Variants in CCZ1 observed in about 807,000 individuals in gnomAD.
CCZ1 encodes the protein CCZ1 vacuolar protein trafficking and biogenesis associated, also known as vacuolar fusion protein CCZ1 homolog.
Under a neutral mutation model 57.8 loss-of-function variants are expected in CCZ1, and 19 were observed. That is an observed-to-expected ratio of 0.33 (90% CI 0.23 to 0.48). The LOEUF (loss-of-function observed/expected upper bound fraction) is 0.48. CCZ1 is among the 20% of genes least tolerant of loss of function. The pLI is 0.99. For synonymous variants in CCZ1, 81 were observed against 167.0 expected, an observed-to-expected ratio of 0.49 and a Z score of 3.97; for missense variants, 200 against 492.0, an observed-to-expected ratio of 0.41 and a Z score of 5.61.
At chr7:5,912,453 A>T (rs977519918) in intron 9 of CCZ1, among the ~76,000 whole-genome samples, 1 of 112,964 alleles carries the variant, frequency 8.9e-6, no homozygotes, top group Non-Finnish European at 1.6e-5. Flanking sequence ...AGTGTGGAGT[A>T]CAGTGGCACG....
At position 5,924,457 on chromosome 7, in the gene CCZ1, C is replaced by T. The variant is rs1422462640; in HGVS notation, c.1393+495C>T. On this transcript the variant is annotated intron_variant, in intron 14 of 14. Coordinates refer to ENST00000325974, the MANE Select transcript of CCZ1 (RefSeq NM_015622.6). ...GTCTTGCTCTGTCGCACAGGCTGGG[C>T]TCAAACTCCAGGCCTCAAGTGATCC... 2.1e-5 allele frequency among the ~76,000 whole-genome samples: 2 copies of T among 93,426 alleles called. 1 individual carries two copies. Among genetic ancestry groups the T allele is most frequent in the Non-Finnish European group, 4.7e-5 (2 of 42,266 alleles). The allele number at this position is 93,426 out of a possible 152,430, so 61.3% of individuals were successfully genotyped here.
intron 7 of CCZ1, among the ~76,000 whole-genome samples, chr7:5,909,797 C>G (rs893917619): frequency 1.3e-5 from 2 of 150,386 alleles, no homozygotes; most frequent in South Asian, 4.2e-4. Flanking sequence ...CACGTAAATT[C>G]AGATTTACCT....
In CCZ1 at chr7:5,908,312, T is replaced by TG. The variant is rs1781882546; in HGVS notation, c.699-1721dup. 2.5e-5 allele frequency among the ~76,000 whole-genome samples: 3 copies of TG among 119,330 alleles called. 1 individual carries two copies. In the South Asian group the frequency reaches 8.0e-4, roughly 32 times the overall value. 78.3% of individuals were successfully genotyped at this position (119,330 alleles called of 152,430 possible). Reference sequence around the variant, plus strand: ...ATGAGGCTCTGTCTCTACCAAAAAGTGGAAAAAAAAACTTGTCACAAGCAG... The same window carrying TG: ...ATGAGGCTCTGTCTCTACCAAAAAGTGGGAAAAAAAAACTTGTCACAAGCAG... On this transcript the variant is annotated intron_variant, in intron 7 of 14. Transcript: ENST00000325974.
At chr7:5,903,764 C>T (rs1171182129) in intron 6 of CCZ1, among the ~76,000 whole-genome samples, 1 of 147,494 alleles carries the variant, frequency 6.8e-6, no homozygotes, top group Non-Finnish European at 1.5e-5. Flanking sequence ...GAGGCCGATG[C>T]GGGCAGATCT....
At chr7:5,906,516 T>A (rs1704937866) in intron 7 of CCZ1, among the ~76,000 whole-genome samples, 1 of 147,852 alleles carries the variant, frequency 6.8e-6, no homozygotes, top group Admixed American at 6.7e-5. Context: ...ACAGACAAGG[T>A]TTTACCATGT....
chr7:5,922,590 CG>C (rs1779262141), intron 12 of CCZ1, among the ~76,000 whole-genome samples: 1 of 148,584 alleles, frequency 6.7e-6, no homozygotes, highest in African/African-American at 2.5e-5. Flanking sequence ...ACTAGGTCCC[CG>C]AGGAGGTCAC....
intron 7 of CCZ1, among the ~76,000 whole-genome samples, chr7:5,905,674 C>T (rs1781794530): frequency 7.3e-6 from 1 of 137,468 alleles, no homozygotes; most frequent in Non-Finnish European, 1.5e-5. Context: ...CCCAGCTACT[C>T]AGGAGGCTGA....
chr7:5,912,776 T>G (rs1779068402), intron 9 of CCZ1, 67 bp from the exon 10 acceptor site: 2 of 1,091,620 alleles, frequency 1.8e-6, no homozygotes, highest in Admixed American at 3.7e-5. Flanking sequence ...GGGAGTGTGT[T>G]CTGTTTCTAG....
At chr7:5,905,822 A>G (rs1355223592) in intron 7 of CCZ1, among the ~76,000 whole-genome samples, 3 of 129,732 alleles carry the variant, frequency 2.3e-5, no homozygotes, top group African/African-American at 5.7e-5. Flanking sequence ...AAATGTTCCT[A>G]TCAAGTAAGG....
At chr7:5,905,357 G>C in intron 7 of CCZ1, 88 bp downstream of exon 7, 1 of 725,472 alleles carries the variant, frequency 1.4e-6, no homozygotes, top group Non-Finnish European at 2.2e-6. Context: ...TTGTCAAACA[G>C]GAACTTGCAG....
At chr7:5,912,809 G>C (rs1297541807) in intron 9 of CCZ1, 34 bp from the exon 10 acceptor site, 1 of 932,310 alleles carries the variant, frequency 1.1e-6, no homozygotes, top group African/African-American at 1.6e-5. Flanking sequence ...CCTTCACCTC[G>C]TTGAATCAAG....
At position 5,906,073 on chromosome 7, in the gene CCZ1, T is replaced by C. The variant is rs1297379576; in HGVS notation, c.698+804T>C. ...TAAAGAAACTAGATTTCTTTTTTTT[T>C]AATCCAAGAAATCCAAAGTGTTATA... On this transcript the variant is annotated intron_variant, in intron 7 of 14. Coordinates refer to ENST00000325974, the MANE Select transcript of CCZ1 (RefSeq NM_015622.6). Among the ~76,000 whole-genome samples, 5 of 146,686 alleles carry C rather than the reference T, an allele frequency of 3.4e-5. 1 individual carries two copies. The highest frequency in any genetic ancestry group is 1.3e-4 in the African/African-American group (5 of 39,528).
intron 7 of CCZ1, among the ~76,000 whole-genome samples, chr7:5,907,479 TG>T (rs1371376888): frequency 6.7e-6 from 1 of 148,212 alleles, no homozygotes; most frequent in Non-Finnish European, 1.5e-5. Context: ...GCTGAGATTC[TG>T]ATCTCTGGGA....
chr7:5,910,896 C>T (rs186806569), intron 8 of CCZ1, among the ~76,000 whole-genome samples: 2,114 of 146,090 alleles, frequency 0.014, 78 homozygotes, highest in African/African-American at 0.051. Flanking sequence ...CCACCATGCC[C>T]GGCTAATTTT....
rs1779069289 is a variant in CCZ1 at position 5,912,847 on chromosome 7, C to A, written c.847C>A (p.Leu283Ile). The change falls in exon 10 of 15, where the codon CTT becomes ATT. Residue 283 changes from leucine to isoleucine, a missense_variant. By Grantham distance (5) the Leu-to-Ile change is conservative. Around this residue, in one of 5 missense-constraint regions of CCZ1, gnomAD observed 128 missense variants for 178.4 expected, o/e 0.72. Transcript: ENST00000325974. ...PGNLQHYGRF[L>I]TGPLNLNDPD... ...ATGTCTGTTCTTGCTTTTAAGATTT[C>A]TTACCGGACCCTTGAACCTCAATGA... 4.7e-6 allele frequency: 7 copies of A among 1,489,030 alleles called. No individual in the cohort carries two copies. The highest frequency in any genetic ancestry group is 6.5e-6 in the Non-Finnish European group (7 of 1,070,342). The allele number at this position is 1,489,030 out of a possible 1,614,324, so 92.2% of individuals were successfully genotyped here.
rs6972493 is a variant in CCZ1, at chr7:5,908,676, G to A, written c.699-1359G>A. ...ATTACAGGTGTGAGCTTCCGCGCCC[G>A]ACCACCTTCACGGTATTTCAGTGAT... is the stretch of plus-strand genomic sequence containing the variant. On this transcript the variant is annotated intron_variant, in intron 7 of 14. Transcript: ENST00000325974. Among the ~76,000 whole-genome samples the A allele has an allele frequency of 9.6e-3, 1,406 of 146,630 alleles. 17 individuals are homozygous for A. Among genetic ancestry groups the A allele is most frequent in the African/African-American group, 0.033 (1,317 of 39,430 alleles).
chr7:5,906,761 C>T (rs1194426860), intron 7 of CCZ1, among the ~76,000 whole-genome samples: 2 of 150,546 alleles, frequency 1.3e-5, no homozygotes, highest in African/African-American at 2.5e-5. Flanking sequence ...AGAAGAGAAA[C>T]AAGTTACTGT....
intron 7 of CCZ1, among the ~76,000 whole-genome samples, chr7:5,908,781 G>A (rs1232080048): frequency 1.9e-4 from 27 of 143,934 alleles, no homozygotes; most frequent in African/African-American, 7.0e-4. Context: ...ATACCTGCTA[G>A]TTTCTCTGTG....
At chr7:5,906,413 C>G (rs74630137) in intron 7 of CCZ1, among the ~76,000 whole-genome samples, 15 of 145,072 alleles carry the variant, frequency 1.0e-4, no homozygotes, top group Non-Finnish European at 2.1e-4. Context: ...ACTTCCCCTT[C>G]CTGGGTTCAA....
Sources: gnomAD v4.1 joint callset for allele counts (sites outside exome capture counted in the v4.1 genomes callset) on GRCh38, gnomAD v4.1.1 for gene constraint, gnomAD v4.1.1 regional missense constraint, MANE v1.5 for transcripts, NCBI Gene and HGNC (gene_info 2026-07-23, HGNC 2026-07-21) for gene names.